Variants in NDUFS4 observed in about 807,000 individuals in gnomAD.
NDUFS4 encodes the protein NADH:ubiquinone oxidoreductase subunit S4.
Under a neutral mutation model 24.3 loss-of-function variants are expected in NDUFS4, and 28 were observed. That is an observed-to-expected ratio of 1.15 (90% CI 0.85 to 1.58). The LOEUF is 1.58. Among genes scored for constraint, NDUFS4 ranks in the 40% most tolerant of loss-of-function variants. The pLI, the probability that NDUFS4 is intolerant of heterozygous loss-of-function variation, is 0.00. For synonymous variants in NDUFS4, 93 were observed against 69.7 expected, an observed-to-expected ratio of 1.34 and a Z score of -1.67; for missense variants, 223 against 207.9, an observed-to-expected ratio of 1.07 and a Z score of -0.45.
chr5:53,612,993 T>TA (rs1412911970), intron 2 of NDUFS4, among the ~76,000 whole-genome samples: 3 of 152,126 alleles, frequency 2.0e-5, no homozygotes, highest in African/African-American at 7.2e-5. Context: ...TGAAAACTTA[T>TA]ATAAGTCTGC....
At chr5:53,561,372 A>G (rs957543268) in intron 1 of NDUFS4, among the ~76,000 whole-genome samples, 2 of 152,140 alleles carry the variant, frequency 1.3e-5, no homozygotes, top group African/African-American at 4.8e-5. Flanking sequence ...AAAGCCTCAC[A>G]ATAATTCAGG....
intron 2 of NDUFS4, among the ~76,000 whole-genome samples, chr5:53,640,248 C>G (rs1188483475): frequency 6.6e-6 from 1 of 151,584 alleles, no homozygotes; most frequent in Non-Finnish European, 1.5e-5. Context: ...TGAAGGGGAA[C>G]ATATCAAGAT....
chr5:53,670,880 G>C (rs1310088130), intron 4 of NDUFS4, among the ~76,000 whole-genome samples: 1 of 151,268 alleles, frequency 6.6e-6, no homozygotes, highest in Non-Finnish European at 1.5e-5. Flanking sequence ...CTAGAGTATA[G>C]TATAGAGATA....
chr5:53,631,344 G>C (rs1751404500), intron 2 of NDUFS4, among the ~76,000 whole-genome samples: 1 of 152,154 alleles, frequency 6.6e-6, no homozygotes, highest in Non-Finnish European at 1.5e-5. Flanking sequence ...GCGTCTCCTG[G>C]TCAGGCTACA....
At chr5:53,618,378 C>T (rs920335087) in intron 2 of NDUFS4, among the ~76,000 whole-genome samples, 4 of 150,112 alleles carry the variant, frequency 2.7e-5, no homozygotes, top group Non-Finnish European at 4.5e-5. Flanking sequence ...GAGAAGCAAG[C>T]TGGAATTATA....
chr5:53,636,089 G>A (rs1365596083), intron 2 of NDUFS4, among the ~76,000 whole-genome samples: 4 of 152,166 alleles, frequency 2.6e-5, no homozygotes, highest in African/African-American at 9.6e-5. Flanking sequence ...TCACTGTGTG[G>A]CCCTGACTGG....
chr5:53,619,361 G>T (rs1358254241), intron 2 of NDUFS4, among the ~76,000 whole-genome samples: 1 of 146,662 alleles, frequency 6.8e-6, no homozygotes, highest in Admixed American at 6.8e-5. Flanking sequence ...GTGGTGGCGG[G>T]TGCTTGTAGT....
intron 1 of NDUFS4, among the ~76,000 whole-genome samples, chr5:53,562,929 G>C (rs1348215557): frequency 6.8e-6 from 1 of 146,252 alleles, no homozygotes; most frequent in South Asian, 2.2e-4. Flanking sequence ...AGTGGAGTAG[G>C]GAACTGAAGG....
In NDUFS4 at chr5:53,638,116, T is replaced by C. The variant is rs562881093; in HGVS notation, c.178-8117T>C. Among the ~76,000 whole-genome samples, 19 of 152,138 alleles carry C rather than the reference T, an allele frequency of 1.2e-4. No individual in the cohort carries two copies. In the East Asian group the frequency reaches 3.3e-3, roughly 26 times the overall value. On this transcript the variant is annotated intron_variant, in intron 2 of 4. Coordinates refer to ENST00000296684, the MANE Select transcript of NDUFS4 (RefSeq NM_002495.4). ...ACTGATAGCATTACACCAGAACATA[T>C]CAGAATTTTTGAAATGTCAATTTAT... is the stretch of plus-strand genomic sequence containing the variant.
At chr5:53,656,381 A>G (rs1752161930) in intron 3 of NDUFS4, among the ~76,000 whole-genome samples, 1 of 152,156 alleles carries the variant, frequency 6.6e-6, no homozygotes, top group African/African-American at 2.4e-5. Context: ...AAAAGAACAA[A>G]TTATCTTTAG....
chr5:53,640,847 T>C (rs1751688217), intron 2 of NDUFS4, among the ~76,000 whole-genome samples: 1 of 152,060 alleles, frequency 6.6e-6, no homozygotes, highest in Admixed American at 6.6e-5. Flanking sequence ...CAGTTTCCCA[T>C]GGAATATGAC....
At chr5:53,590,294 A>C (rs2112440627) in intron 1 of NDUFS4, among the ~76,000 whole-genome samples, 1 of 152,324 alleles carries the variant, frequency 6.6e-6, no homozygotes, top group Non-Finnish European at 1.5e-5. Flanking sequence ...AAGCATATTT[A>C]AGATTTGCTC....
intron 2 of NDUFS4, among the ~76,000 whole-genome samples, chr5:53,633,428 A>C (rs1052534341): frequency 6.6e-6 from 1 of 152,150 alleles, no homozygotes; most frequent in African/African-American, 2.4e-5. Flanking sequence ...TTACCTATAC[A>C]TTGAGGAAGA....
intron 2 of NDUFS4, among the ~76,000 whole-genome samples, chr5:53,611,848 T>G (rs1750708058): frequency 6.6e-6 from 1 of 152,226 alleles, no homozygotes; most frequent in East Asian, 1.9e-4. Flanking sequence ...CATGTTGTCT[T>G]TTTTATATTC....
chr5:53,663,206 T>C (rs747153429), intron 4 of NDUFS4, among the ~76,000 whole-genome samples: 1 of 152,220 alleles, frequency 6.6e-6, no homozygotes, highest in Non-Finnish European at 1.5e-5. Context: ...TAATTTGTTA[T>C]AATTTCTGTT....
intron 2 of NDUFS4, among the ~76,000 whole-genome samples, chr5:53,623,687 C>T (rs1251231330): frequency 1.3e-5 from 2 of 152,064 alleles, no homozygotes; most frequent in African/African-American, 2.4e-5. Flanking sequence ...AGTTTTAGCT[C>T]TTCCATTGAG....
intron 2 of NDUFS4, among the ~76,000 whole-genome samples, chr5:53,631,285 G>A (rs1364734708): frequency 6.6e-6 from 1 of 152,134 alleles, no homozygotes; most frequent in Non-Finnish European, 1.5e-5. Flanking sequence ...CCTGCCAGAT[G>A]CCAGCCAGAG....
At chr5:53,660,947 G>C (rs1752324187) in intron 4 of NDUFS4, among the ~76,000 whole-genome samples, 1 of 152,094 alleles carries the variant, frequency 6.6e-6, no homozygotes. Context: ...CCATTCTGTA[G>C]GTTGCCTGTT....
chr5:53,580,327 G>A (rs1177680590), intron 1 of NDUFS4, among the ~76,000 whole-genome samples: 1 of 152,120 alleles, frequency 6.6e-6, no homozygotes, highest in African/African-American at 2.4e-5. Context: ...TGATCATTTA[G>A]GACTCAACTA....
Sources: allele counts gnomAD v4.1 joint callset (sites outside exome capture counted in the v4.1 genomes callset), GRCh38; gene constraint gnomAD v4.1.1; transcripts MANE v1.5; gene names NCBI Gene and HGNC (gene_info 2026-07-23, HGNC 2026-07-21).